Variants in CA10 observed in about 807,000 individuals in gnomAD.
The protein encoded by CA10 is carbonic anhydrase-related protein 10.
In CA10, 14 loss-of-function variants were observed where a neutral mutation model predicts 44.2. The observed-to-expected ratio is 0.32, with a 90% CI of 0.21 to 0.50. The LOEUF is 0.50. Among genes scored for constraint, CA10 ranks in the 20% least tolerant of loss-of-function variants. The pLI is 0.99. For missense variants in CA10, 350 were observed against 409.7 expected (o/e 0.85, Z 1.26); for synonymous variants, 159 against 141.6 (o/e 1.12, Z -0.87).
At chr17:52,116,259 G>A (rs1988893994) in intron 1 of CA10, among the ~76,000 whole-genome samples, 1 of 152,060 alleles carries the variant, frequency 6.6e-6, no homozygotes, top group Admixed American at 6.6e-5. Context: ...CCTTTTAGAA[G>A]GTGTTTTTAC....
At chr17:51,644,599 A>T (rs1347638694) in intron 6 of CA10, among the ~76,000 whole-genome samples, 3 of 151,936 alleles carry the variant, frequency 2.0e-5, no homozygotes, top group African/African-American at 7.3e-5. Context: ...CCTTATAAAC[A>T]TCTCAAGCTG....
chr17:51,653,301 A>T (rs1913647614), intron 5 of CA10, among the ~76,000 whole-genome samples: 1 of 152,232 alleles, frequency 6.6e-6, no homozygotes, highest in African/African-American at 2.4e-5. Context: ...GTGGGGCATT[A>T]GTGAGCCACC....
intron 1 of CA10, among the ~76,000 whole-genome samples, chr17:52,122,741 C>T (rs1016614658): frequency 2.0e-5 from 3 of 152,182 alleles, no homozygotes; most frequent in African/African-American, 7.2e-5. Context: ...TCTTAAACAG[C>T]TTAAATACGC....
At chr17:51,752,058 T>C (rs1279668510) in intron 3 of CA10, among the ~76,000 whole-genome samples, 2 of 152,124 alleles carry the variant, frequency 1.3e-5, no homozygotes, top group African/African-American at 4.8e-5. Context: ...ATCATTTTCC[T>C]ATGTGTTCTT....
intron 1 of CA10, among the ~76,000 whole-genome samples, chr17:52,116,751 T>C (rs1424723709): frequency 1.3e-5 from 2 of 152,192 alleles, no homozygotes. Flanking sequence ...CCTGACATGC[T>C]GGCAAAAGGG....
chr17:51,654,988 T>A (rs1052808325), intron 4 of CA10, among the ~76,000 whole-genome samples: 1 of 152,178 alleles, frequency 6.6e-6, no homozygotes, highest in Non-Finnish European at 1.5e-5. Flanking sequence ...TGTGGTTACT[T>A]GTTTTGTGCT....
At chr17:52,097,243 A>G (rs1988425923) in intron 1 of CA10, among the ~76,000 whole-genome samples, 2 of 152,198 alleles carry the variant, frequency 1.3e-5, no homozygotes, top group South Asian at 4.1e-4. Flanking sequence ...CAGTTGGTAT[A>G]ATCACATTTT....
chr17:51,677,059 A>G (rs1914648078), intron 4 of CA10, among the ~76,000 whole-genome samples: 1 of 152,178 alleles, frequency 6.6e-6, no homozygotes, highest in African/African-American at 2.4e-5. Flanking sequence ...GTGTTGAAAG[A>G]GCATACATTT....
At chr17:51,967,737 T>C (rs1984133569) in intron 2 of CA10, among the ~76,000 whole-genome samples, 1 of 151,740 alleles carries the variant, frequency 6.6e-6, no homozygotes. Context: ...TGTCAGGTCC[T>C]ACCTTGGTGA....
At chr17:51,993,988 T>G (rs1358738877) in intron 2 of CA10, among the ~76,000 whole-genome samples, 2 of 152,076 alleles carry the variant, frequency 1.3e-5, no homozygotes, top group Admixed American at 1.3e-4. Flanking sequence ...ATAAAATAGG[T>G]ACATATTTAA....
rs560403902 is a variant in CA10, at chr17:51,873,716, G to T, written c.279+57274C>A. On this transcript the variant is annotated intron_variant, in intron 3 of 8. Coordinates refer to ENST00000451037, the MANE Select transcript of CA10 (RefSeq NM_020178.5). The stretch of plus-strand genomic sequence containing the variant: ...TTGTGCTGGCTGGGGTGGGCCTTTG[G>T]TTCTGCTCCTTTTGACTGTGGCAGT... Among the ~76,000 whole-genome samples the T allele has an allele frequency of 9.8e-5, 15 of 152,326 alleles. No homozygotes were observed. In the East Asian group the frequency reaches 2.7e-3, roughly 27 times the overall value.
rs141459588 is a variant in CA10, at chr17:52,006,018, A to G, written c.136+66301T>C. ...GTCCTTTGTTCTTAGGGGTGATGCC[A>G]TATTGCAACTTTTATCCCATGTAAT... On this transcript the variant is annotated intron_variant, in intron 2 of 8. Transcript: ENST00000451037. Among the ~76,000 whole-genome samples the G allele has an allele frequency of 3.9e-5, 6 of 151,978 alleles. No individual in the cohort carries two copies. In the East Asian group the frequency reaches 1.2e-3, roughly 30 times the overall value.
chr17:51,635,861 C>A lies in CA10; in HGVS notation c.783G>T (p.Arg261Ser). 2 of 1,577,282 alleles carry A rather than the reference C, an allele frequency of 1.3e-6. No individual in the cohort carries two copies. The highest frequency in any genetic ancestry group is 1.7e-6 in the Non-Finnish European group (2 of 1,160,410). ...TGACCAGAGAGAAACTCACCTGCAT[C>A]CTGGTTATATAGACAGGTTTGTTCA... is the stretch of plus-strand genomic sequence containing the variant. Reference protein sequence around the residue: ...IIMNKPVYITRMQMHSLRLLS... With the variant: ...IIMNKPVYITSMQMHSLRLLS... Residue 261 changes from arginine to serine, a missense_variant, in exon 7 of 9, where the codon AGG (arginine) becomes AGT (serine). Coordinates refer to ENST00000451037, the MANE Select transcript of CA10 (RefSeq NM_020178.5).
Position 52,057,013 on chromosome 17 carries a change from C to A in CA10, c.136+15306G>T, listed in dbSNP as rs567773702. Among the ~76,000 whole-genome samples, 4 of 152,208 alleles carry A rather than the reference C, an allele frequency of 2.6e-5. No homozygotes were observed. In the South Asian group the frequency reaches 8.3e-4, roughly 32 times the overall value. On this transcript the variant is annotated intron_variant, in intron 2 of 8. Transcript: ENST00000451037. ...CTTGGCCTACAGTAGCTCCACCAAT[C>A]TGGAACCCTTTGAAATGTTCTCTTG...
intron 2 of CA10, among the ~76,000 whole-genome samples, chr17:51,945,540 G>A (rs1983241844): frequency 6.6e-6 from 1 of 152,134 alleles, no homozygotes; most frequent in Non-Finnish European, 1.5e-5. Flanking sequence ...AAGGTGCCAG[G>A]TAAGCCGATG....
At chr17:51,858,309 C>T (rs1438695145) in intron 3 of CA10, among the ~76,000 whole-genome samples, 1 of 152,136 alleles carries the variant, frequency 6.6e-6, no homozygotes, top group Non-Finnish European at 1.5e-5. Flanking sequence ...TCATTTTATA[C>T]TGAGAAGGCA....
chr17:51,781,723 C>G (rs1906068115), intron 3 of CA10, among the ~76,000 whole-genome samples: 1 of 152,136 alleles, frequency 6.6e-6, no homozygotes, highest in Non-Finnish European at 1.5e-5. Flanking sequence ...TTTCTTTTCC[C>G]CTTTAAGTCC....
At chr17:52,004,383 G>A (rs1985530604) in intron 2 of CA10, among the ~76,000 whole-genome samples, 1 of 151,746 alleles carries the variant, frequency 6.6e-6, no homozygotes, top group Non-Finnish European at 1.5e-5. Flanking sequence ...TACCTATTTA[G>A]GAATCAGAAC....
chr17:52,139,385 C>G (rs1020562382), intron 1 of CA10, among the ~76,000 whole-genome samples: 1 of 151,852 alleles, frequency 6.6e-6, no homozygotes, highest in Non-Finnish European at 1.5e-5. Flanking sequence ...CTGCCTCATT[C>G]GCCTCTGCAT....
Sources: gnomAD v4.1 joint callset for allele counts (sites outside exome capture counted in the v4.1 genomes callset) on GRCh38, gnomAD v4.1.1 for gene constraint, MANE v1.5 for transcripts, NCBI Gene and HGNC (gene_info 2026-07-23, HGNC 2026-07-21) for gene names.